KIF17: variants seen among roughly 807,000 people sequenced by gnomAD.
The protein encoded by KIF17 is kinesin family member 17, also known as kinesin-like protein KIF17.
KIF17 carries 80 observed loss-of-function variants against 96.8 expected under a neutral mutation model. The observed-to-expected ratio is 0.83, with a 90% CI of 0.69 to 1.00. KIF17 has a LOEUF of 1.00. Ranked by LOEUF, KIF17 falls within the 50% of genes least tolerant of loss-of-function variation. KIF17 has a pLI of 0.00. For missense variants in KIF17, 1,280 were observed against 1,372.9 expected (o/e 0.93, Z 1.07); for synonymous variants, 567 against 587.5 (o/e 0.97, Z 0.51).
chr1:20,705,726 A>G (rs1279685920), intron 4 of KIF17, among the ~76,000 whole-genome samples: 1 of 152,040 alleles, frequency 6.6e-6, no homozygotes, highest in Non-Finnish European at 1.5e-5. Context: ...TCTGGAATCT[A>G]TCACCAGATG....
Position 20,713,446 on chromosome 1 carries a change from G to A in KIF17, c.480+8C>T. 1 of 1,607,132 alleles carries A rather than the reference G, an allele frequency of 6.2e-7. No homozygotes were observed. The highest frequency in any genetic ancestry group is 1.3e-5 in the African/African-American group (1 of 74,756). ...AGCCCCACCTGCCCACAATGGGTCT[G>A]CACCCACCTCCAGCTTCTGCTTGGT... On this transcript the variant is annotated splice_region_variant and intron_variant, in intron 3 of 14. Coordinates refer to ENST00000400463, the MANE Select transcript of KIF17 (RefSeq NM_001122819.3).
At chr1:20,668,187 G>A (rs1393656958) in intron 13 of KIF17, among the ~76,000 whole-genome samples, 2 of 151,984 alleles carry the variant, frequency 1.3e-5, no homozygotes, top group Non-Finnish European at 2.9e-5. Flanking sequence ...GCAGGCACCT[G>A]TAGTCCCAGC....
downstream of KIF17, among the ~76,000 whole-genome samples, chr1:20,663,431 C>T (rs2053471644): frequency 6.6e-6 from 1 of 152,154 alleles, no homozygotes; most frequent in African/African-American, 2.4e-5. Flanking sequence ...GGAGGACTAA[C>T]ACAGAGCACC....
downstream of KIF17, among the ~76,000 whole-genome samples, chr1:20,663,653 C>A (rs551723366): frequency 6.6e-6 from 1 of 152,270 alleles, no homozygotes; most frequent in Admixed American, 6.5e-5. Context: ...TCCTAGGTAC[C>A]CCCCTATGTG....
intron 3 of KIF17, among the ~76,000 whole-genome samples, chr1:20,712,919 A>ATAGATAATAT (rs1557607249): frequency 4.1e-4 from 23 of 56,288 alleles, no homozygotes; most frequent in Non-Finnish European, 7.3e-4. Context: ...TATATATAAT[A>ATAGATAATAT]TATCTATATT....
chr1:20,702,809 C>G (rs974198424), intron 5 of KIF17, among the ~76,000 whole-genome samples: 2 of 152,240 alleles, frequency 1.3e-5, no homozygotes, highest in African/African-American at 4.8e-5. Context: ...GCACTCCTCT[C>G]TGCCCTGTAC....
Position 20,685,976 on chromosome 1 carries a change from A to G in KIF17, c.2019+70T>C. 8.0e-7 allele frequency: 1 copy of G among 1,251,822 alleles called. No homozygotes were observed. The highest frequency in any genetic ancestry group is 2.5e-5 in the East Asian group (1 of 39,470). The allele number at this position is 1,251,822 out of a possible 1,614,324, so 77.5% of individuals were successfully genotyped here. ...AAACTGAAGCTCAGGGAGGGAGAAG[A>G]CAAGCTGGAGTTTCCCAGGAAGTTG... is the stretch of plus-strand genomic sequence containing the variant. On this transcript the variant is annotated intron_variant, in intron 9 of 14. Coordinates refer to ENST00000400463, the MANE Select transcript of KIF17 (RefSeq NM_001122819.3). The surrounding 1 kb of genome is among the most constrained non-coding windows in gnomAD (Gnocchi z 4.1).
Position 20,685,078 on chromosome 1 carries a change from A to G in KIF17, c.2020-58T>C, listed in dbSNP as rs1303684169. On this transcript the variant is annotated intron_variant, in intron 9 of 14. Transcript: ENST00000400463. This position sits in a 1 kb window ranked among gnomAD's most constrained non-coding sequence, Gnocchi z 4.1. ...GAAGGCCGCCCCAACCCCCGCCGAC[A>G]GCTCCCAGGTGGCTCAATCCCAGAC... 1 of 1,418,594 alleles carries G rather than the reference A, an allele frequency of 7.0e-7. No homozygotes were observed. Among genetic ancestry groups the G allele is most frequent in the East Asian group, 2.5e-5 (1 of 40,312 alleles). 87.9% of individuals were successfully genotyped at this position (1,418,594 alleles called of 1,614,324 possible). A position where few individuals can be genotyped will look rare whatever the true frequency, so the allele number is the denominator to read the frequency against.
intron 5 of KIF17, among the ~76,000 whole-genome samples, chr1:20,701,995 G>T (rs1324288659): frequency 1.3e-5 from 2 of 152,214 alleles, no homozygotes; most frequent in African/African-American, 4.8e-5. Flanking sequence ...GCAAACACAG[G>T]GAGCTTTGGG....
In KIF17 at chr1:20,704,844, C is replaced by T. The variant is rs376156995; in HGVS notation, c.726G>A (p.Ala242=). ...CGGTCTTGGACTGCCGCTCGCTGCCCGCCAGGTCCACCAGGTTCAGCTTGC... is the reference window on the plus strand; with the variant it reads ...CGGTCTTGGACTGCCGCTCGCTGCCTGCCAGGTCCACCAGGTTCAGCTTGC... ...RAGKLNLVDL[A]GSERQSKTGA... Residue 242 remains alanine, a synonymous_variant, in exon 5 of 15, where the codon GCG becomes GCA. Coordinates refer to ENST00000400463, the MANE Select transcript of KIF17 (RefSeq NM_001122819.3). This position sits in a 1 kb window ranked among gnomAD's most constrained non-coding sequence, Gnocchi z 6.8. 11 of 1,604,450 alleles carry T rather than the reference C, an allele frequency of 6.9e-6. No homozygotes were observed. Among genetic ancestry groups the T allele is most frequent in the East Asian group, 6.7e-5 (3 of 44,888 alleles).
intron 6 of KIF17, among the ~76,000 whole-genome samples, chr1:20,694,768 G>A (rs2054104412): frequency 6.6e-6 from 1 of 152,132 alleles, no homozygotes; most frequent in Admixed American, 6.5e-5. Context: ...GTGTTACTGA[G>A]GCCCAGGGAG....
intron 6 of KIF17, among the ~76,000 whole-genome samples, chr1:20,691,572 G>C (rs1411975543): frequency 2.0e-5 from 3 of 150,428 alleles, no homozygotes; most frequent in Non-Finnish European, 4.4e-5. Flanking sequence ...TCCTGCCTCA[G>C]CCTCCCAAGT....
rs1389352826 is a variant in KIF17, at chr1:20,664,592, G to A, written c.3079C>T (p.Pro1027Ser). ...ATGGCAAGCAGCTGTGCTCACAGAG[G>A]CTCACTGCCAAAGTTGCTTTTGCTT... ...KKSKSNFGSE[P>S]L The change falls in exon 15 of 15, where the codon CCT (proline) becomes TCT (serine). Residue 1027 changes from proline (P) to serine (S), a missense_variant. By Grantham distance (74) the Pro-to-Ser change is moderately conservative. Coordinates refer to ENST00000400463, the MANE Select transcript of KIF17 (RefSeq NM_001122819.3). The A allele has an allele frequency of 1.2e-6, 2 of 1,612,822 alleles. No individual in the cohort carries two copies. The highest frequency in any genetic ancestry group is 2.2e-5 in the South Asian group (2 of 91,058).
chr1:20,685,215 C>A lies in KIF17; in HGVS notation c.2020-195G>T, dbSNP rs2053916867. On this transcript the variant is annotated intron_variant, in intron 9 of 14. Transcript: ENST00000400463. The surrounding 1 kb of genome is among the most constrained non-coding windows in gnomAD (Gnocchi z 4.1). ...ACTGCCGCTATTCCCACTGACACCC[C>A]CACGCTAGGAGGAAGGCTCCCAGCT... 1.4e-6 allele frequency: 1 copy of A among 700,224 alleles called. No homozygotes were observed. The highest frequency in any genetic ancestry group is 2.6e-6 in the Non-Finnish European group (1 of 381,950). 43.4% of individuals were successfully genotyped at this position (700,224 alleles called of 1,614,324 possible). A position where few individuals can be genotyped will look rare whatever the true frequency, so the allele number is the denominator to read the frequency against.
chr1:20,714,967 G>A (rs1340402944), intron 2 of KIF17, among the ~76,000 whole-genome samples: 6 of 152,176 alleles, frequency 3.9e-5, no homozygotes, highest in African/African-American at 7.2e-5. Flanking sequence ...GTCCCCATCC[G>A]CCATTCCCCG....
At chr1:20,691,411 T>C (rs2154536369) in intron 6 of KIF17, among the ~76,000 whole-genome samples, 1 of 151,662 alleles carries the variant, frequency 6.6e-6, no homozygotes, top group Admixed American at 6.6e-5. Context: ...CCTCCCAGAG[T>C]GTTGGGATTA....
In KIF17 at chr1:20,700,054, G is replaced by A. The variant is rs938958700; in HGVS notation, c.1124-1566C>T. ...TCTGGAGGGCAGCAGTGAACTGGCT[G>A]TAGCCAGTTTTTGTTTTGTTTTGTT... On this transcript the variant is annotated intron_variant, in intron 5 of 14. Transcript: ENST00000400463. This position sits in a 1 kb window ranked among gnomAD's most constrained non-coding sequence, Gnocchi z 4.6. 3.2e-4 allele frequency among the ~76,000 whole-genome samples: 49 copies of A among 152,094 alleles called. No individual in the cohort carries two copies. Among genetic ancestry groups the A allele is most frequent in the Non-Finnish European group, 1.5e-4 (10 of 68,010 alleles).
intron 12 of KIF17, 123 bp from the exon 13 acceptor site, chr1:20,670,611 A>G: frequency 5.8e-6 from 5 of 854,718 alleles, no homozygotes; most frequent in Non-Finnish European, 9.9e-6. Flanking sequence ...TTCCCAGCCC[A>G]AGCCAAGGGA....
In KIF17 at chr1:20,687,636, C is replaced by T; in HGVS notation, c.1690G>A (p.Val564Ile). ...CTGGACTCCTCAGTGGGCATGGAGA[C>T]CTCCACGTTGGAGGGCTCCTCAGGC... is the stretch of plus-strand genomic sequence containing the variant. ...PGPEEPSNVE[V>I]SMPTEESRSR... The change falls in exon 8 of 15, where the codon GTC becomes ATC. Residue 564 changes from valine to isoleucine, a missense_variant. By Grantham distance (29) the Val-to-Ile change is conservative. Transcript: ENST00000400463. This position sits in a 1 kb window ranked among gnomAD's most constrained non-coding sequence, Gnocchi z 4.4. 1 of 1,614,166 alleles carries T rather than the reference C, an allele frequency of 6.2e-7. No individual in the cohort carries two copies. Among genetic ancestry groups the T allele is most frequent in the Non-Finnish European group, 8.5e-7 (1 of 1,180,022 alleles).
Sources: gnomAD v4.1 joint callset for allele counts (sites outside exome capture counted in the v4.1 genomes callset) on GRCh38, gnomAD v4.1.1 for gene constraint, Gnocchi (gnomAD v3.1) non-coding constraint, MANE v1.5 for transcripts, NCBI Gene and HGNC (gene_info 2026-07-23, HGNC 2026-07-21) for gene names.